ATP9B: variants seen among roughly 807,000 people sequenced by gnomAD.
ATP9B encodes the protein ATPase phospholipid transporting 9B.
Under a neutral mutation model 146.1 loss-of-function variants are expected in ATP9B, and 110 were observed. That is an observed-to-expected ratio of 0.75 (90% confidence interval 0.65 to 0.88). The LOEUF is 0.88. ATP9B is among the 40% of genes least tolerant of loss of function. The pLI is 0.00. For missense variants in ATP9B, 1,499 were observed against 1,496.4 expected, an observed-to-expected ratio of 1.00 and a Z score of -0.03; for synonymous variants, 604 against 569.7, an observed-to-expected ratio of 1.06 and a Z score of -0.86.
chr18:79,374,041 G>T lies in ATP9B; in HGVS notation c.3214G>T (p.Ala1072Ser). Residue 1072 changes from alanine to serine, a missense_variant, in exon 28 of 30, where the codon GCC becomes TCC. Transcript: ENST00000426216. Reference sequence around the variant, plus strand: ...CACGTGGCACTGGCTGATGGTGGTGGCCGAGTTCCTCAGCTTAGGCTGCTA... The same window carrying T: ...CACGTGGCACTGGCTGATGGTGGTGTCCGAGTTCCTCAGCTTAGGCTGCTA... Reference protein sequence around the residue: ...VRTWHWLMVVAEFLSLGCYVS... With the variant: ...VRTWHWLMVVSEFLSLGCYVS... The T allele has an allele frequency of 6.2e-7, 1 of 1,614,198 alleles. No individual in the cohort carries two copies. Among genetic ancestry groups the T allele is most frequent in the Non-Finnish European group, 8.5e-7 (1 of 1,180,032 alleles).
intron 4 of ATP9B, among the ~76,000 whole-genome samples, chr18:79,113,822 G>A (rs1251596179): frequency 1.3e-5 from 2 of 152,188 alleles, no homozygotes; most frequent in Non-Finnish European, 2.9e-5. Flanking sequence ...GTGATGCAAT[G>A]ATGCTTATCA....
intron 4 of ATP9B, chr18:79,117,743 A>C (rs1340846921): frequency 6.6e-6 from 1 of 152,224 alleles, no homozygotes; most frequent in Non-Finnish European, 1.5e-5. Context: ...GAATTTTGAA[A>C]GTTGTTGTTG....
chr18:79,305,661 A>G (rs545067533), intron 14 of ATP9B, among the ~76,000 whole-genome samples: 1 of 152,348 alleles, frequency 6.6e-6, no homozygotes, highest in South Asian at 2.1e-4. Flanking sequence ...TTAGGAAAAA[A>G]TTAAAAGCAG....
chr18:79,106,438 T>A (rs1270669637), intron 2 of ATP9B, among the ~76,000 whole-genome samples: 1 of 152,144 alleles, frequency 6.6e-6, no homozygotes. Context: ...GCTCATGCCT[T>A]TTACTGCTAG....
At chr18:79,195,985 T>C in intron 9 of ATP9B, among the ~76,000 whole-genome samples, 1 of 152,168 alleles carries the variant, frequency 6.6e-6, no homozygotes, top group East Asian at 1.9e-4. Context: ...GGGCCCAGCA[T>C]GCACGTGAGA....
intron 10 of ATP9B, chr18:79,209,576 C>T (rs965208313): frequency 9.4e-6 from 8 of 851,714 alleles, no homozygotes; most frequent in Non-Finnish European, 1.1e-5. Context: ...CAAGTGGGCC[C>T]GACTAGTTGG....
rs376401624 is a variant in ATP9B at position 79,358,776 on chromosome 18, A to T, written c.2904-578A>T. Among the ~76,000 whole-genome samples, 4 of 95,638 alleles carry T rather than the reference A, an allele frequency of 4.2e-5. No homozygotes were observed. The East Asian group carries it at 1.6e-3, about 39-fold the overall frequency. The allele number at this position is 95,638 out of a possible 152,430, so 62.7% of individuals were successfully genotyped here. On this transcript the variant is annotated intron_variant, in intron 25 of 29. Transcript: ENST00000426216. Reference sequence around the variant, plus strand: ...CTCTGGGTCTGGAGGTGTCTGTGTGAGGGGTGTCCTGGGTCTGGAGGTGTC... The same window carrying T: ...CTCTGGGTCTGGAGGTGTCTGTGTGTGGGGTGTCCTGGGTCTGGAGGTGTC...
intron 12 of ATP9B, among the ~76,000 whole-genome samples, chr18:79,266,385 A>G (rs1011371527): frequency 1.3e-5 from 2 of 151,568 alleles, no homozygotes; most frequent in African/African-American, 2.4e-5. Context: ...TTTTTTCTAT[A>G]TATAATCATA....
chr18:79,272,682 C>A (rs184488272), intron 12 of ATP9B, among the ~76,000 whole-genome samples: 19 of 152,356 alleles, frequency 1.2e-4, no homozygotes, highest in Non-Finnish European at 2.4e-4. Context: ...TCCACTATAG[C>A]TCAGGCTCTT....
chr18:79,295,057 T>G (rs2096537468), intron 13 of ATP9B, among the ~76,000 whole-genome samples: 1 of 152,182 alleles, frequency 6.6e-6, no homozygotes, highest in South Asian at 2.1e-4. Context: ...TTATTCCAGC[T>G]ATAGGTACGT....
intron 8 of ATP9B, among the ~76,000 whole-genome samples, chr18:79,187,029 T>A (rs1333884284): frequency 2.0e-5 from 3 of 152,230 alleles, no homozygotes; most frequent in Non-Finnish European, 4.4e-5. Context: ...GTGCACTATG[T>A]GCATGGTGGT....
chr18:79,285,392 T>G (rs564668509), intron 13 of ATP9B, among the ~76,000 whole-genome samples: 29 of 152,388 alleles, frequency 1.9e-4, no homozygotes, highest in Admixed American at 1.5e-3. Context: ...CATTTTTTCA[T>G]GTGTCTCTTG....
At chr18:79,235,631 G>A (rs931443891) in intron 11 of ATP9B, among the ~76,000 whole-genome samples, 3 of 152,030 alleles carry the variant, frequency 2.0e-5, no homozygotes, top group African/African-American at 7.3e-5. Flanking sequence ...ACCCACTCAT[G>A]GTGCGTCACA....
At chr18:79,089,356 C>T (rs1005661623) in intron 1 of ATP9B, among the ~76,000 whole-genome samples, 8 of 152,288 alleles carry the variant, frequency 5.3e-5, no homozygotes, top group South Asian at 2.1e-4. Flanking sequence ...AAACCCCTTC[C>T]TGTTGCTTGG....
chr18:79,265,570 C>T (rs1470001489), intron 12 of ATP9B, among the ~76,000 whole-genome samples: 2 of 151,904 alleles, frequency 1.3e-5, no homozygotes, highest in South Asian at 4.2e-4. Flanking sequence ...TGTTTAAGTC[C>T]CGTTTAGGTG....
At chr18:79,276,282 G>A (rs1200515370) in intron 12 of ATP9B, among the ~76,000 whole-genome samples, 1 of 152,210 alleles carries the variant, frequency 6.6e-6, no homozygotes, top group Non-Finnish European at 1.5e-5. Flanking sequence ...CCACTCCACT[G>A]CCTCCAGGCA....
intron 4 of ATP9B, among the ~76,000 whole-genome samples, chr18:79,119,933 A>T (rs2094159363): frequency 6.6e-6 from 1 of 152,236 alleles, no homozygotes; most frequent in Non-Finnish European, 1.5e-5. Context: ...AAACGCTGAA[A>T]ATCAAGACAA....
intron 15 of ATP9B, among the ~76,000 whole-genome samples, chr18:79,309,394 CGG>C (rs2096638427): frequency 3.9e-5 from 5 of 128,880 alleles, no homozygotes; most frequent in African/African-American, 1.0e-4. Flanking sequence ...AGGTCAGGGG[CGG>C]AGGAGTGATC....
At chr18:79,329,398 C>A in intron 16 of ATP9B, 96 bp downstream of exon 16, 1 of 1,337,812 alleles carries the variant, frequency 7.5e-7, no homozygotes, top group Non-Finnish European at 9.9e-7. Context: ...TAAACATTTA[C>A]TCAGGTGCTT....
Sources: allele counts gnomAD v4.1 joint callset (sites outside exome capture counted in the v4.1 genomes callset), GRCh38; gene constraint gnomAD v4.1.1; transcripts MANE v1.5; gene names NCBI Gene and HGNC (gene_info 2026-07-23, HGNC 2026-07-21).